The following LTA4H variants were observed in gnomAD, a reference collection of about 807,000 sequenced individuals.
LTA4H encodes the protein leukotriene A4 hydrolase.
A neutral mutation model predicts 89.8 loss-of-function variants in LTA4H; 59 were observed. The observed-to-expected ratio is 0.66, with a 90% CI of 0.53 to 0.82. LTA4H has a LOEUF of 0.82. Ranked by LOEUF, LTA4H falls within the 40% of genes least tolerant of loss-of-function variation. The probability of loss-of-function intolerance (pLI) is 0.00; values close to 1 mark genes in which losing one functional copy is unlikely to be tolerated. For missense variants in LTA4H, 617 were observed against 727.0 expected, an observed-to-expected ratio of 0.85 and a Z score of 1.74; for synonymous variants, 227 against 253.1, an observed-to-expected ratio of 0.90 and a Z score of 0.98.
chr12:96,006,197 TA>T, intron 16 of LTA4H, 116 bp downstream of exon 16: 1 of 559,450 alleles, frequency 1.8e-6, no homozygotes. Flanking sequence ...ATAAATTTTA[TA>T]AATGATTTTT....
Position 96,019,744 on chromosome 12 carries a change from A to G in LTA4H, c.639-504T>C, listed in dbSNP as rs569947889. 2.1e-3 allele frequency among the ~76,000 whole-genome samples: 326 copies of G among 151,812 alleles called. 7 individuals carry two copies. The highest frequency in any genetic ancestry group is 3.7e-4 in the Non-Finnish European group (25 of 67,908). On this transcript the variant is annotated intron_variant, in intron 6 of 18. Transcript: ENST00000228740. ...GTAGCTGGGACTACAGGTGCCCGCC[A>G]CCACGCCCAGCTAATTTTTTCTTTT...
rs1950465702 is a variant in LTA4H, at chr12:96,022,492, A to C, written c.481-241T>G. Among the ~76,000 whole-genome samples the C allele has an allele frequency of 1.3e-5, 2 of 152,198 alleles. No individual in the cohort carries two copies. Among genetic ancestry groups the C allele is most frequent in the African/African-American group, 4.8e-5 (2 of 41,456 alleles). On this transcript the variant is annotated intron_variant, in intron 4 of 18. Coordinates refer to ENST00000228740, the MANE Select transcript of LTA4H (RefSeq NM_000895.3). This position sits in a 1 kb window ranked among gnomAD's most constrained non-coding sequence, Gnocchi z 4.0. ...GTGTATATATATAAAACACATATACAAAAAGTATATATATACACATATACA... is the reference window on the plus strand; with the variant it reads ...GTGTATATATATAAAACACATATACCAAAAGTATATATATACACATATACA...
chr12:96,016,085 G>A (rs1485204264), intron 10 of LTA4H, among the ~76,000 whole-genome samples: 1 of 152,200 alleles, frequency 6.6e-6, no homozygotes, highest in African/African-American at 2.4e-5. Context: ...AGGCCGAGGC[G>A]GGAGAATTAT....
chr12:96,036,452 C>T (rs756954443), upstream of LTA4H, among the ~76,000 whole-genome samples: 3 of 152,114 alleles, frequency 2.0e-5, no homozygotes, highest in Non-Finnish European at 4.4e-5. Context: ...TAATGGGGGA[C>T]CCACTGAAGA....
At chr12:96,009,252 A>G in intron 14 of LTA4H, 104 bp from the exon 15 acceptor site, 1 of 740,354 alleles carries the variant, frequency 1.4e-6, no homozygotes, top group South Asian at 1.6e-5. Context: ...CTTTTAAATA[A>G]GGAAAACAAA....
intron 2 of LTA4H, chr12:96,027,817 T>A (rs1950529083): frequency 4.1e-6 from 1 of 245,574 alleles, no homozygotes; most frequent in African/African-American, 2.3e-5. Context: ...CTAACAGTGG[T>A]TGACTACCCC....
intron 4 of LTA4H, among the ~76,000 whole-genome samples, chr12:96,023,655 A>G (rs1003369803): frequency 1.3e-4 from 20 of 152,168 alleles, no homozygotes; most frequent in Non-Finnish European, 2.8e-4. Flanking sequence ...TGCTTGGTCT[A>G]AGTAGGTCTA....
chr12:96,019,434 C>G (rs1950425008), intron 6 of LTA4H, among the ~76,000 whole-genome samples, 194 bp from the exon 7 acceptor site: 1 of 152,076 alleles, frequency 6.6e-6, no homozygotes, highest in African/African-American at 2.4e-5. Flanking sequence ...ATATGCAGCT[C>G]TCTAAGGAGG....
chr12:96,027,995 C>T (rs181446370), intron 2 of LTA4H: 458 of 152,394 alleles, frequency 3.0e-3, no homozygotes, highest in Admixed American at 5.3e-3. Flanking sequence ...CAAGACAAGA[C>T]CAGAAGTTGA....
chr12:96,003,410 T>C (rs1329762585), intron 17 of LTA4H, among the ~76,000 whole-genome samples: 3 of 152,018 alleles, frequency 2.0e-5, no homozygotes, highest in African/African-American at 7.2e-5. Context: ...ATCAGGTAGG[T>C]GCTCACATAC....
At chr12:96,005,369 C>T (rs907546940) in intron 16 of LTA4H, among the ~76,000 whole-genome samples, 2 of 152,158 alleles carry the variant, frequency 1.3e-5, no homozygotes, top group African/African-American at 4.8e-5. Flanking sequence ...TTCATGGCCC[C>T]AGATTAGTTT....
At chr12:96,036,009 C>A (rs74556576), upstream of LTA4H, among the ~76,000 whole-genome samples, 1 of 152,182 alleles carries the variant, frequency 6.6e-6, no homozygotes, top group African/African-American at 2.4e-5. Context: ...AGAAGGCTTT[C>A]TTTCGTGCGG....
intron 15 of LTA4H, among the ~76,000 whole-genome samples, chr12:96,008,512 AAAG>A (rs1445982192): frequency 6.6e-6 from 1 of 152,158 alleles, no homozygotes; most frequent in Non-Finnish European, 1.5e-5. Context: ...TTTAAAAGGA[AAAG>A]AAGAAAGGTA....
chr12:96,036,032 A>G (rs1327974791), upstream of LTA4H, among the ~76,000 whole-genome samples: 4 of 152,194 alleles, frequency 2.6e-5, no homozygotes, highest in Admixed American at 6.5e-5. Flanking sequence ...CCTCGTTAGT[A>G]TAGTGGTGAG....
At position 96,018,886 on chromosome 12, in the gene LTA4H, T is replaced by G; in HGVS notation, c.729A>C (p.Lys243Asn). Residue 243 changes from lysine (K) to asparagine (N), a missense_variant, in exon 8 of 19, where the codon AAA becomes AAC. By Grantham distance (94) the Lys-to-Asn change is moderately conservative. Coordinates refer to ENST00000228740, the MANE Select transcript of LTA4H (RefSeq NM_000895.3). The stretch of plus-strand genomic sequence containing the variant: ...ACGGTCCTCCCAGATCTTCTGCTAT[T>G]TTAAGCATAGATTCAGTCTGAAAAA... ...YEFSETESML[K>N]IAEDLGGPYV... 1 of 1,592,130 alleles carries G rather than the reference T, an allele frequency of 6.3e-7. No homozygotes were observed. The highest frequency in any genetic ancestry group is 2.2e-5 in the East Asian group (1 of 44,614).
At chr12:96,029,011 C>T in intron 2 of LTA4H, 44 bp downstream of exon 2, 1 of 1,463,332 alleles carries the variant, frequency 6.8e-7, no homozygotes. Context: ...GAATATGTTT[C>T]CCCATTATTT....
chr12:96,029,101 A>G lies in LTA4H; in HGVS notation c.244T>C (p.Tyr82His). The G allele has an allele frequency of 6.3e-7, 1 of 1,594,886 alleles. No homozygotes were observed. Among genetic ancestry groups the G allele is most frequent in the Non-Finnish European group, 8.5e-7 (1 of 1,170,200 alleles). ...GAGATTTCCATTGGCGATCCCTTGT[A>G]ACTTTGTCTTTCTCCAAGAGCATAT... is the stretch of plus-strand genomic sequence containing the variant. ...VKYALGERQS[Y>H]KGSPMEISLP... is the part of the protein sequence containing the mutation. Residue 82 changes from tyrosine to histidine, a missense_variant, in exon 2 of 19, where the codon TAC becomes CAC. By Grantham distance (83) the Tyr-to-His change is moderately conservative. Transcript: ENST00000228740.
intron 4 of LTA4H, among the ~76,000 whole-genome samples, chr12:96,023,111 C>A (rs1251125520): frequency 6.6e-6 from 1 of 152,144 alleles, no homozygotes; most frequent in African/African-American, 2.4e-5. Flanking sequence ...AAGGACTCCC[C>A]CAAGTATTAA....
intron 10 of LTA4H, among the ~76,000 whole-genome samples, chr12:96,016,076 G>C (rs1476571332): frequency 1.3e-5 from 2 of 152,198 alleles, no homozygotes; most frequent in African/African-American, 4.8e-5. Context: ...CACTTTGGGA[G>C]GCCGAGGCGG....
Sources: gnomAD v4.1 joint callset for allele counts (sites outside exome capture counted in the v4.1 genomes callset) on GRCh38, gnomAD v4.1.1 for gene constraint, Gnocchi (gnomAD v3.1) non-coding constraint, MANE v1.5 for transcripts, NCBI Gene and HGNC (gene_info 2026-07-23, HGNC 2026-07-21) for gene names.